Variants in ZNF439 observed in about 807,000 individuals in gnomAD.
The protein encoded by ZNF439 is zinc finger protein 439.
A neutral mutation model predicts 47.3 loss-of-function variants in ZNF439; 40 were observed. The ratio of observed to expected loss-of-function variants is 0.85; its 90% CI spans 0.66 to 1.10. The LOEUF (loss-of-function observed/expected upper bound fraction) is 1.10, where lower values mean the gene tolerates loss of function less well. ZNF439 is among the 50% of genes least tolerant of loss of function. The probability of loss-of-function intolerance (pLI) is 0.00; values close to 1 mark genes in which losing one functional copy is unlikely to be tolerated. For missense variants in ZNF439, 556 were observed against 601.1 expected (o/e 0.93, Z 0.78); for synonymous variants, 171 against 198.8 (o/e 0.86, Z 1.18).
chr19:11,855,735 C>A (rs1347561444), intron 1 of ZNF439, among the ~76,000 whole-genome samples: 1 of 152,210 alleles, frequency 6.6e-6, no homozygotes, highest in Non-Finnish European at 1.5e-5. Flanking sequence ...CTGCACAGGA[C>A]ATTATGGCTG....
intron 1 of ZNF439, among the ~76,000 whole-genome samples, chr19:11,858,858 C>T (rs1976464518): frequency 1.3e-5 from 2 of 152,126 alleles, no homozygotes; most frequent in South Asian, 4.1e-4. Flanking sequence ...ATCTGTTTGC[C>T]CACTTATTGA....
At chr19:11,866,447 C>A in intron 2 of ZNF439, 90 bp from the exon 3 acceptor site, 1 of 1,601,588 alleles carries the variant, frequency 6.2e-7, no homozygotes, top group Non-Finnish European at 8.5e-7. Context: ...ATAAATGAGG[C>A]ATGGCTGCTG....
In ZNF439 at chr19:11,868,714, A is replaced by ATAGAGTTTTTCTC; in HGVS notation, c.*145_*146insTAGAGTTTTTCTC. On this transcript the variant is annotated 3_prime_UTR_variant, in exon 4 of 4. Transcript: ENST00000682736. ...TTCCTTTCGATATCTAAAAGGACTCACAGTGGAGAAAAACTCTATGAGTGT... is the reference window on the plus strand; with the variant it reads ...TTCCTTTCGATATCTAAAAGGACTCATAGAGTTTTTCTCCAGTGGAGAAAAACTCTATGAGTGT... The ATAGAGTTTTTCTC allele has an allele frequency of 1.1e-6, 1 of 906,002 alleles. No individual in the cohort carries two copies. The highest frequency in any genetic ancestry group is 1.7e-6 in the Non-Finnish European group (1 of 575,280). 56.1% of individuals were successfully genotyped at this position (906,002 alleles called of 1,614,324 possible). A position where few individuals can be genotyped will look rare whatever the true frequency, so the allele number is the denominator to read the frequency against.
intron 1 of ZNF439, among the ~76,000 whole-genome samples, chr19:11,864,538 C>A (rs903884346): frequency 5.3e-5 from 8 of 152,160 alleles, no homozygotes; most frequent in Admixed American, 1.3e-4. Flanking sequence ...CTCAAGTGAA[C>A]CACCTACCTT....
At chr19:11,849,158 G>T (rs1025782895) in intron 1 of ZNF439, 1 of 1,098,874 alleles carries the variant, frequency 9.1e-7, no homozygotes, top group African/African-American at 1.7e-5. Context: ...GCCCTTTTGT[G>T]CAGCTCCGCG....
chr19:11,861,136 C>G (rs1687177859), intron 1 of ZNF439, among the ~76,000 whole-genome samples: 1 of 152,202 alleles, frequency 6.6e-6, no homozygotes, highest in Non-Finnish European at 1.5e-5. Context: ...ATACCACAGC[C>G]TAACTCTTCA....
chr19:11,856,051 C>T (rs1976377313), intron 1 of ZNF439: 1 of 152,242 alleles, frequency 6.6e-6, no homozygotes, highest in African/African-American at 2.4e-5. Flanking sequence ...CCTTCATCCC[C>T]ATGTCAGTAA....
chr19:11,855,006 A>G (rs1976347902), intron 1 of ZNF439, among the ~76,000 whole-genome samples: 1 of 152,208 alleles, frequency 6.6e-6, no homozygotes, highest in African/African-American at 2.4e-5. Flanking sequence ...GCTGCCATTC[A>G]TAAATGAAGG....
intron 1 of ZNF439, 138 bp from the exon 2 acceptor site, chr19:11,866,063 CAGAG>C (rs751318078): frequency 1.4e-4 from 210 of 1,517,116 alleles, no homozygotes; most frequent in Non-Finnish European, 1.8e-4. Context: ...TAAGTATAGA[CAGAG>C]AGAAAGGGAT....
intron 1 of ZNF439, among the ~76,000 whole-genome samples, chr19:11,854,784 T>C (rs1400627853): frequency 6.6e-6 from 1 of 152,042 alleles, no homozygotes; most frequent in African/African-American, 2.4e-5. Flanking sequence ...ATTATGTATT[T>C]GCAATGTGCT....
Position 11,868,014 on chromosome 19 carries a change from A to G in ZNF439, c.960A>G (p.Arg320=), listed in dbSNP as rs768497689. Residue 320 remains arginine, a synonymous_variant, in exon 4 of 4, where the codon AGA becomes AGG. Coordinates refer to ENST00000682736, the MANE Select transcript of ZNF439 (RefSeq NM_001348719.2). ...KAFMCPRYVR[R]HERTHSRKKL... Reference sequence around the variant, plus strand: ...TCATGTGTCCCCGTTATGTTCGTAGACATGAAAGGACCCACTCTAGGAAAA... The same window carrying G: ...TCATGTGTCCCCGTTATGTTCGTAGGCATGAAAGGACCCACTCTAGGAAAA... 5.0e-6 allele frequency: 8 copies of G among 1,614,068 alleles called. No individual in the cohort carries two copies. In the South Asian group the frequency reaches 7.7e-5, roughly 16 times the overall value.
At chr19:11,855,690 C>G (rs1976366775) in intron 1 of ZNF439, among the ~76,000 whole-genome samples, 1 of 152,062 alleles carries the variant, frequency 6.6e-6, no homozygotes, top group Admixed American at 6.6e-5. Context: ...GAACATATGC[C>G]CAATATGTTT....
intron 1 of ZNF439, among the ~76,000 whole-genome samples, chr19:11,862,119 GACAGGGTC>G (rs1250671260): frequency 2.0e-5 from 3 of 152,104 alleles, no homozygotes; most frequent in Admixed American, 2.0e-4. Flanking sequence ...TTTTGTTAGA[GACAGGGTC>G]ACAAACTCCC....
rs1486482987 is a variant in ZNF439, at chr19:11,867,572, G to T, written c.518G>T (p.Arg173Ile). Residue 173 changes from arginine (R) to isoleucine (I), a missense_variant, in exon 4 of 4, where the codon AGA (arginine) becomes ATA (isoleucine). Physicochemically the swap from Arg to Ile is moderately conservative, Grantham distance 97. Coordinates refer to ENST00000682736, the MANE Select transcript of ZNF439 (RefSeq NM_001348719.2). ...AGTCAACAACCTAAAAAAGCCTTCA[G>T]ATATCACCCCTCCTTGAGAACACAA... ...WKSQQPKKAF[R>I]YHPSLRTQER... is the part of the protein sequence containing the mutation. 6.2e-7 allele frequency: 1 copy of T among 1,614,004 alleles called. No homozygotes were observed. The highest frequency in any genetic ancestry group is 1.3e-5 in the African/African-American group (1 of 74,904).
At chr19:11,854,148 A>G (rs1197645035) in intron 1 of ZNF439, among the ~76,000 whole-genome samples, 1 of 152,208 alleles carries the variant, frequency 6.6e-6, no homozygotes, top group Non-Finnish European at 1.5e-5. Context: ...CAACATTGCC[A>G]CTTCAGTTTG....
intron 1 of ZNF439, chr19:11,857,357 AC>A (rs1976414437): frequency 6.6e-6 from 1 of 152,200 alleles, no homozygotes; most frequent in Non-Finnish European, 1.5e-5. Context: ...TCTGGATCAT[AC>A]CCCATAAGCA....
intron 1 of ZNF439, among the ~76,000 whole-genome samples, chr19:11,859,934 A>G (rs1190530164): frequency 6.6e-6 from 1 of 152,180 alleles, no homozygotes; most frequent in East Asian, 1.9e-4. Context: ...TAAGAAGGAG[A>G]TAACGGCAGA....
chr19:11,858,640 GT>G (rs1568256279), intron 1 of ZNF439, among the ~76,000 whole-genome samples: 1 of 152,122 alleles, frequency 6.6e-6, no homozygotes, highest in Non-Finnish European at 1.5e-5. Flanking sequence ...ACAAACACTG[GT>G]GAATTCCAGT....
intron 3 of ZNF439, among the ~76,000 whole-genome samples, chr19:11,866,890 T>C (rs1370843633): frequency 1.3e-5 from 2 of 152,020 alleles, no homozygotes; most frequent in African/African-American, 2.4e-5. Flanking sequence ...AGCTGGGCAT[T>C]GTGGTATGCA....
Sources: allele counts gnomAD v4.1 joint callset (sites outside exome capture counted in the v4.1 genomes callset), GRCh38; gene constraint gnomAD v4.1.1; transcripts MANE v1.5; gene names NCBI Gene and HGNC (gene_info 2026-07-23, HGNC 2026-07-21).